Variants in PTK2 observed in about 807,000 individuals in gnomAD.
The protein encoded by PTK2 is protein tyrosine kinase 2, also known as focal adhesion kinase 1.
PTK2 carries 45 observed loss-of-function variants against 150.1 expected under a neutral mutation model. That is an observed-to-expected ratio of 0.30 (90% CI 0.24 to 0.38). The LOEUF is 0.38. Ranked by LOEUF, PTK2 falls within the 10% of genes least tolerant of loss-of-function variation. The probability of loss-of-function intolerance (pLI) is 1.00; values close to 1 mark genes in which losing one functional copy is unlikely to be tolerated. For synonymous variants in PTK2, 432 were observed against 449.2 expected (o/e 0.96, Z 0.48); for missense variants, 919 against 1,307.3 (o/e 0.70, Z 4.58).
At chr8:140,803,205 G>A (rs1219873001) in intron 11 of PTK2, among the ~76,000 whole-genome samples, 1 of 151,526 alleles carries the variant, frequency 6.6e-6, no homozygotes, top group Non-Finnish European at 1.5e-5. Flanking sequence ...AATAGAGACA[G>A]GGTTTCACCA....
chr8:140,985,646 G>C (rs1301756981), intron 1 of PTK2, among the ~76,000 whole-genome samples: 3 of 152,074 alleles, frequency 2.0e-5, no homozygotes, highest in Admixed American at 1.3e-4. Context: ...AAGAGTGGGT[G>C]CTGTGACACC....
rs192343738 is a variant in PTK2 at position 140,917,229 on chromosome 8, G to A, written c.-33+8432C>T. On this transcript the variant is annotated intron_variant, in intron 2 of 31. Coordinates refer to ENST00000522684, the Ensembl canonical transcript of PTK2. ...AACATGGTGAAACCCTGTCTCTACCGAAAATACAACAATTAGCCAGGCTTG... is the reference window on the plus strand; with the variant it reads ...AACATGGTGAAACCCTGTCTCTACCAAAAATACAACAATTAGCCAGGCTTG... Among the ~76,000 whole-genome samples the A allele has an allele frequency of 7.9e-3, 1,205 of 151,960 alleles. 11 individuals carry two copies. The highest frequency in any genetic ancestry group is 0.014 in the Middle Eastern group (4 of 294).
At chr8:140,873,796 C>T (rs972647439) in intron 4 of PTK2, among the ~76,000 whole-genome samples, 3 of 152,160 alleles carry the variant, frequency 2.0e-5, no homozygotes, top group African/African-American at 7.2e-5. Context: ...GAACTCTTAC[C>T]ACCACCCTTT....
At chr8:140,693,337 T>A (rs1428126694) in intron 26 of PTK2, among the ~76,000 whole-genome samples, 1 of 151,958 alleles carries the variant, frequency 6.6e-6, no homozygotes, top group Non-Finnish European at 1.5e-5. Flanking sequence ...GAGAACTGCT[T>A]GAGCCCAGGA....
chr8:140,789,571 G>C (rs779443192), intron 13 of PTK2, 45 bp from the exon 14 acceptor site: 3 of 1,589,400 alleles, frequency 1.9e-6, no homozygotes, highest in East Asian at 2.3e-5. Context: ...AATTTCCCCA[G>C]GACCCCGCAA....
At chr8:140,843,580 C>T (rs1027532897) in intron 7 of PTK2, among the ~76,000 whole-genome samples, 1 of 152,164 alleles carries the variant, frequency 6.6e-6, no homozygotes, top group African/African-American at 2.4e-5. Context: ...CTCTGTAACT[C>T]AGCCAGGCCA....
At chr8:140,813,781 G>A (rs1566893187) in intron 10 of PTK2, among the ~76,000 whole-genome samples, 1 of 151,902 alleles carries the variant, frequency 6.6e-6, no homozygotes, top group Non-Finnish European at 1.5e-5. Context: ...CCCAAAACTA[G>A]AAGAAGAAAA....
intron 2 of PTK2, among the ~76,000 whole-genome samples, chr8:140,913,862 A>C (rs781313237): frequency 6.6e-5 from 10 of 152,226 alleles, no homozygotes; most frequent in Non-Finnish European, 1.5e-4. Context: ...CCTATCCACA[A>C]GCCAACAAAT....
chr8:140,897,999 G>C (rs2100156965), intron 2 of PTK2, among the ~76,000 whole-genome samples: 1 of 152,054 alleles, frequency 6.6e-6, no homozygotes, highest in Admixed American at 6.6e-5. Flanking sequence ...TATCAAGGCA[G>C]AAATGAAAAG....
chr8:140,815,415 G>C lies in PTK2; in HGVS notation c.867+2862C>G, dbSNP rs141289015. On this transcript the variant is annotated intron_variant, in intron 10 of 31. Transcript: ENST00000522684. The stretch of plus-strand genomic sequence containing the variant: ...ACAACAGACACTGGGGCCTACCAGA[G>C]GGTGGAGGGTAAAAGTGGGGAGGGG... Among the ~76,000 whole-genome samples, 23 of 152,242 alleles carry C rather than the reference G, an allele frequency of 1.5e-4. No homozygotes were observed. The East Asian group carries it at 4.4e-3, about 29-fold the overall frequency.
intron 2 of PTK2, among the ~76,000 whole-genome samples, chr8:140,919,593 C>T (rs529024581): frequency 1.3e-5 from 2 of 152,128 alleles, no homozygotes; most frequent in African/African-American, 4.8e-5. Context: ...TGCAAACGAA[C>T]CCCAGCAAAT....
At chr8:140,712,408 G>A (rs1434792380) in intron 23 of PTK2, among the ~76,000 whole-genome samples, 1 of 152,160 alleles carries the variant, frequency 6.6e-6, no homozygotes, top group Non-Finnish European at 1.5e-5. Context: ...ACTGGAAAAG[G>A]GAGGAGTATT....
At chr8:140,991,939 T>G (rs1025135495) in intron 1 of PTK2, among the ~76,000 whole-genome samples, 8 of 151,744 alleles carry the variant, frequency 5.3e-5, no homozygotes, top group African/African-American at 1.9e-4. Flanking sequence ...GAAGCCGCAG[T>G]GAGCTGTGAT....
At chr8:140,909,785 C>T (rs2100162378) in intron 2 of PTK2, among the ~76,000 whole-genome samples, 1 of 152,126 alleles carries the variant, frequency 6.6e-6, no homozygotes, top group Admixed American at 6.5e-5. Flanking sequence ...AAACAGAAAT[C>T]CACTGAGACC....
At chr8:140,896,532 C>G (rs1486807122) in intron 2 of PTK2, among the ~76,000 whole-genome samples, 1 of 152,144 alleles carries the variant, frequency 6.6e-6, no homozygotes, top group Non-Finnish European at 1.5e-5. Flanking sequence ...CCAGCTACCT[C>G]GATACATGCA....
At chr8:140,896,724 G>A (rs1294122215) in intron 2 of PTK2, among the ~76,000 whole-genome samples, 4 of 139,384 alleles carry the variant, frequency 2.9e-5, no homozygotes, top group East Asian at 2.6e-4. Context: ...TACCACTTGC[G>A]TACAGCATTG....
intron 4 of PTK2, among the ~76,000 whole-genome samples, chr8:140,864,921 C>T (rs117601060): frequency 5.5e-4 from 83 of 152,260 alleles, no homozygotes; most frequent in South Asian, 1.9e-3. Flanking sequence ...GTACACATTT[C>T]GGTTGCATAT....
chr8:140,935,644 T>C lies in PTK2; in HGVS notation c.-121-9895A>G, dbSNP rs573595058. Among the ~76,000 whole-genome samples the C allele has an allele frequency of 1.5e-4, 23 of 152,028 alleles. No individual in the cohort carries two copies. The East Asian group carries it at 3.9e-3, about 26-fold the overall frequency. On this transcript the variant is annotated intron_variant, in intron 1 of 31. Coordinates refer to ENST00000522684, the Ensembl canonical transcript of PTK2. The stretch of plus-strand genomic sequence containing the variant: ...ACTCTGTTATTTGAAACCAATAAAA[T>C]GAAAGTTTTTTTCCTAATGCGCTGT...
intron 1 of PTK2, 144 bp downstream of exon 1, chr8:141,000,981 C>T (rs2100200016): frequency 6.6e-6 from 1 of 151,864 alleles, no homozygotes; most frequent in African/African-American, 2.4e-5. Flanking sequence ...AGGGGCCGGT[C>T]TCCGCCGCAT....
Sources: allele counts gnomAD v4.1 joint callset (sites outside exome capture counted in the v4.1 genomes callset), GRCh38; gene constraint gnomAD v4.1.1; transcripts MANE v1.5; gene names NCBI Gene and HGNC (gene_info 2026-07-23, HGNC 2026-07-21).